Variants in CNTLN observed in about 807,000 individuals in gnomAD.
CNTLN encodes the protein centlein.
CNTLN carries 212 observed loss-of-function variants against 180.0 expected under a neutral mutation model. The observed-to-expected ratio is 1.18, with a 90% CI of 1.05 to 1.32. The LOEUF (loss-of-function observed/expected upper bound fraction) is 1.32, where lower values mean the gene tolerates loss of function less well. Ranked by LOEUF, CNTLN falls within the 40% of genes most tolerant of loss-of-function variation. CNTLN has a pLI of 0.00. For missense variants in CNTLN, 2,095 were observed against 1,610.9 expected (o/e 1.30, Z -5.14); for synonymous variants, 722 against 563.1 (o/e 1.28, Z -3.99).
Position 17,294,930 on chromosome 9 carries a change from GC to G in CNTLN, c.984-3259del, listed in dbSNP as rs1421539708. Among the ~76,000 whole-genome samples, 32 of 126,918 alleles carry G rather than the reference GC, an allele frequency of 2.5e-4. 1 individual carries two copies. The highest frequency in any genetic ancestry group is 4.0e-4 in the Non-Finnish European group (23 of 57,460). The allele number at this position is 126,918 out of a possible 152,430, so 83.3% of individuals were successfully genotyped here. A position where few individuals can be genotyped will look rare whatever the true frequency, so the allele number is the denominator to read the frequency against. On this transcript the variant is annotated intron_variant, in intron 6 of 25. Coordinates refer to ENST00000380647, the MANE Select transcript of CNTLN (RefSeq NM_017738.4). The stretch of plus-strand genomic sequence containing the variant: ...GAGGGCGGGGGGGAGTGGGGGGAGG[GC>G]GGGGGAGGCTCAGGCATGGTGGGCT...
chr9:17,315,682 T>C (rs1351873253), intron 8 of CNTLN, among the ~76,000 whole-genome samples: 1 of 152,038 alleles, frequency 6.6e-6, no homozygotes, highest in Non-Finnish European at 1.5e-5. Context: ...GATTTTTTTC[T>C]GTTTGCTTGA....
intron 8 of CNTLN, among the ~76,000 whole-genome samples, chr9:17,311,170 G>T (rs1475764631): frequency 6.6e-6 from 1 of 151,598 alleles, no homozygotes; most frequent in Admixed American, 6.6e-5. Context: ...GATTATAGGC[G>T]CCTGCCACCA....
chr9:17,455,350 C>G (rs1361168016), intron 18 of CNTLN, among the ~76,000 whole-genome samples: 1 of 152,094 alleles, frequency 6.6e-6, no homozygotes, highest in East Asian at 1.9e-4. Context: ...TAATAAAGTA[C>G]AAGTCATTTA....
rs562350516 is a variant in CNTLN, at chr9:17,424,579, A to G, written c.3114+8390A>G. On this transcript the variant is annotated intron_variant, in intron 18 of 25. Coordinates refer to ENST00000380647, the MANE Select transcript of CNTLN (RefSeq NM_017738.4). Reference sequence around the variant, plus strand: ...TTAGAAAGTCTGTTGAATGTTTTATAGTAGGCACTAAATATGTATAAAACT... The same window carrying G: ...TTAGAAAGTCTGTTGAATGTTTTATGGTAGGCACTAAATATGTATAAAACT... 2.6e-5 allele frequency among the ~76,000 whole-genome samples: 4 copies of G among 152,322 alleles called. No individual in the cohort carries two copies. In the South Asian group the frequency reaches 8.3e-4, roughly 32 times the overall value.
At chr9:17,288,096 T>C (rs1829110187) in intron 6 of CNTLN, among the ~76,000 whole-genome samples, 1 of 132,816 alleles carries the variant, frequency 7.5e-6, no homozygotes, top group South Asian at 2.9e-4. Flanking sequence ...TTAATTGTGA[T>C]GTTAGGGTGT....
chr9:17,384,479 T>C, intron 13 of CNTLN, among the ~76,000 whole-genome samples: 1 of 152,098 alleles, frequency 6.6e-6, no homozygotes, highest in East Asian at 1.9e-4. Flanking sequence ...TCAAAGGGGA[T>C]GGTCTGGGTC....
intron 12 of CNTLN, among the ~76,000 whole-genome samples, chr9:17,359,117 C>G (rs1823090031): frequency 6.6e-6 from 1 of 151,686 alleles, no homozygotes; most frequent in South Asian, 2.1e-4. Flanking sequence ...TTCCTGGGTT[C>G]AAGTGATTCT....
At chr9:17,261,333 T>C (rs998590718) in intron 5 of CNTLN, among the ~76,000 whole-genome samples, 2 of 151,518 alleles carry the variant, frequency 1.3e-5, no homozygotes, top group Admixed American at 6.6e-5. Context: ...TTGGTTTGTG[T>C]CATCTATGAT....
intron 18 of CNTLN, among the ~76,000 whole-genome samples, chr9:17,432,756 A>C (rs1012292899): frequency 2.0e-5 from 3 of 152,190 alleles, no homozygotes; most frequent in Non-Finnish European, 2.9e-5. Flanking sequence ...GTGGTGGCTC[A>C]TGCCTGTAAT....
chr9:17,191,435 G>A (rs994777627), intron 2 of CNTLN, among the ~76,000 whole-genome samples: 15 of 152,208 alleles, frequency 9.9e-5, no homozygotes, highest in African/African-American at 3.4e-4. Context: ...GTGCCCCTGT[G>A]TGTCTGCTAC....
At chr9:17,209,160 C>T (rs1486442635) in intron 2 of CNTLN, among the ~76,000 whole-genome samples, 1 of 152,016 alleles carries the variant, frequency 6.6e-6, no homozygotes, top group Non-Finnish European at 1.5e-5. Flanking sequence ...TTTTCAATTT[C>T]CTTCTTAATT....
intron 18 of CNTLN, among the ~76,000 whole-genome samples, chr9:17,424,318 G>C (rs951222691): frequency 6.6e-6 from 1 of 152,040 alleles, no homozygotes; most frequent in Admixed American, 6.6e-5. Flanking sequence ...TGACTTAAAG[G>C]TGTTACTCAT....
intron 15 of CNTLN, among the ~76,000 whole-genome samples, chr9:17,403,725 G>A (rs556429014): frequency 6.6e-5 from 10 of 151,770 alleles, no homozygotes; most frequent in African/African-American, 2.4e-4. Context: ...AGGACTGGGA[G>A]GTAGGGAGGT....
chr9:17,240,963 A>G (rs995787122), intron 5 of CNTLN, among the ~76,000 whole-genome samples: 3 of 152,162 alleles, frequency 2.0e-5, no homozygotes, highest in African/African-American at 7.2e-5. Context: ...GGTTCATGCC[A>G]TTCTCCTGCC....
At chr9:17,330,260 C>T (rs1449667515) in intron 8 of CNTLN, among the ~76,000 whole-genome samples, 1 of 151,958 alleles carries the variant, frequency 6.6e-6, no homozygotes, top group East Asian at 1.9e-4. Context: ...TATTGTATGA[C>T]TCTTGATGAC....
intron 18 of CNTLN, among the ~76,000 whole-genome samples, chr9:17,443,121 G>A (rs1830204113): frequency 6.6e-6 from 1 of 152,076 alleles, no homozygotes; most frequent in Admixed American, 6.5e-5. Flanking sequence ...TTCTATGCCT[G>A]CTATCATTGT....
intron 8 of CNTLN, among the ~76,000 whole-genome samples, chr9:17,314,459 G>C (rs1819411914): frequency 6.6e-6 from 1 of 152,186 alleles, no homozygotes; most frequent in Admixed American, 6.5e-5. Context: ...ACAGGTGGGT[G>C]GCAGTGAATT....
intron 7 of CNTLN, among the ~76,000 whole-genome samples, chr9:17,302,322 C>T (rs1258977529): frequency 6.6e-6 from 1 of 152,060 alleles, no homozygotes; most frequent in African/African-American, 2.4e-5. Flanking sequence ...CTTAGCCTCC[C>T]CAGTAGCTGG....
chr9:17,142,208 A>T (rs1373332005), intron 1 of CNTLN, among the ~76,000 whole-genome samples: 1 of 152,186 alleles, frequency 6.6e-6, no homozygotes. Context: ...ATGCGGCCTA[A>T]CACAAATTCT....
Sources: allele counts gnomAD v4.1 joint callset (sites outside exome capture counted in the v4.1 genomes callset), GRCh38; gene constraint gnomAD v4.1.1; transcripts MANE v1.5; gene names NCBI Gene and HGNC (gene_info 2026-07-23, HGNC 2026-07-21).